Variants in PINX1 observed in about 807,000 individuals in gnomAD.
PINX1 encodes PIN2 (TERF1) interacting telomerase inhibitor 1.
In PINX1, 34 loss-of-function variants were observed where a neutral mutation model predicts 25.4. That is an observed-to-expected ratio of 1.34 (90% confidence interval 1.02 to 1.78). The LOEUF is 1.78. PINX1 is among the 40% of genes most tolerant of loss of function. The pLI, the probability that PINX1 is intolerant of heterozygous loss-of-function variation, is 0.00. For synonymous variants in PINX1, 197 were observed against 147.7 expected (o/e 1.33, Z -2.42); for missense variants, 592 against 404.9 (o/e 1.46, Z -3.97).
rs962333410 is a variant in PINX1 at position 10,807,434 on chromosome 8, A to C, written c.471+12759T>G. 8.7e-5 allele frequency among the ~76,000 whole-genome samples: 13 copies of C among 150,136 alleles called. No homozygotes were observed. In the Admixed American group the frequency reaches 8.7e-4, roughly 10 times the overall value. On this transcript the variant is annotated intron_variant, in intron 6 of 6. Coordinates refer to ENST00000314787, the MANE Select transcript of PINX1 (RefSeq NM_017884.6). ...GTGCTTCAACTACTGGCTTCCTGAC[A>C]AAACAGAGGGGAAAAAATTATGAAA...
intron 6 of PINX1, among the ~76,000 whole-genome samples, chr8:10,776,901 G>A (rs144839044): frequency 1.3e-5 from 2 of 152,306 alleles, no homozygotes; most frequent in African/African-American, 4.8e-5. Flanking sequence ...TGATGTCACA[G>A]AAGGAAAATC....
intron 6 of PINX1, among the ~76,000 whole-genome samples, chr8:10,769,193 C>G (rs1801149212): frequency 6.6e-6 from 1 of 152,092 alleles, no homozygotes; most frequent in Admixed American, 6.5e-5. Flanking sequence ...GGAAATGTCT[C>G]TCTCTCTTTT....
chr8:10,825,257 G>A, intron 5 of PINX1: 1 of 499,648 alleles, frequency 2.0e-6, no homozygotes, highest in Non-Finnish European at 4.1e-6. Context: ...TCCCAGCAAT[G>A]CCCTGATACG....
At chr8:10,823,651 A>C (rs1463181588) in intron 5 of PINX1, among the ~76,000 whole-genome samples, 1 of 152,156 alleles carries the variant, frequency 6.6e-6, no homozygotes. Context: ...GAAAGGAATA[A>C]TTATATATCA....
intron 6 of PINX1, among the ~76,000 whole-genome samples, chr8:10,776,062 T>C (rs527715704): frequency 6.6e-6 from 1 of 152,258 alleles, no homozygotes. Context: ...ATCACAATTC[T>C]AGCATTCATT....
intron 6 of PINX1, among the ~76,000 whole-genome samples, chr8:10,799,278 T>A (rs142394365): frequency 6.6e-6 from 1 of 152,252 alleles, no homozygotes; most frequent in Non-Finnish European, 1.5e-5. Flanking sequence ...AATCATCAAT[T>A]TAAGATGGTC....
At chr8:10,816,566 C>G (rs929359738) in intron 6 of PINX1, among the ~76,000 whole-genome samples, 3 of 152,362 alleles carry the variant, frequency 2.0e-5, no homozygotes, top group African/African-American at 7.2e-5. Context: ...TTGTCAACCC[C>G]TAACAGCTCA....
intron 6 of PINX1, among the ~76,000 whole-genome samples, chr8:10,780,410 G>C (rs1222748960): frequency 2.6e-5 from 4 of 152,114 alleles, no homozygotes; most frequent in African/African-American, 9.7e-5. Context: ...AAATTGTTGA[G>C]AGTTTTTACC....
intron 1 of PINX1, among the ~76,000 whole-genome samples, chr8:10,835,650 G>A (rs1397267889): frequency 6.6e-6 from 1 of 152,044 alleles, no homozygotes; most frequent in Non-Finnish European, 1.5e-5. Context: ...CATCTCCTTA[G>A]GGCTCATATT....
At chr8:10,827,462 T>G (rs113359261) in intron 4 of PINX1, among the ~76,000 whole-genome samples, 2,420 of 151,992 alleles carry the variant, frequency 0.016, 46 homozygotes, top group Non-Finnish European at 0.019. Context: ...GGGGTTAGAG[T>G]CAATTATAAA....
chr8:10,832,936 C>T lies in PINX1; in HGVS notation c.178G>A (p.Val60Met). 6.2e-7 allele frequency: 1 copy of T among 1,612,564 alleles called. No individual in the cohort carries two copies. The highest frequency in any genetic ancestry group is 8.5e-7 in the Non-Finnish European group (1 of 1,179,192). Reference sequence around the variant, plus strand: ...CCGAGTCCCAGGTGGTTATTTTTCACTTGAACTTTAATATGATCTGTGGCT... The same window carrying T: ...CCGAGTCCCAGGTGGTTATTTTTCATTTGAACTTTAATATGATCTGTGGCT... The part of the protein sequence containing the change: ...QGATDHIKVQ[V>M]KNNHLGLGAT... Residue 60 changes from valine to methionine, a missense_variant, in exon 3 of 7, where the codon GTG becomes ATG. Transcript: ENST00000314787.
chr8:10,800,120 G>A (rs145059495), intron 6 of PINX1, among the ~76,000 whole-genome samples: 16 of 152,272 alleles, frequency 1.1e-4, no homozygotes, highest in Non-Finnish European at 2.2e-4. Flanking sequence ...CAGTTTTGAT[G>A]GAAATAACAT....
chr8:10,809,018 T>C (rs1211513248), intron 6 of PINX1, among the ~76,000 whole-genome samples: 1 of 152,238 alleles, frequency 6.6e-6, no homozygotes, highest in Non-Finnish European at 1.5e-5. Flanking sequence ...GCAGAGTCCC[T>C]CAAGCCGAGA....
intron 6 of PINX1, among the ~76,000 whole-genome samples, chr8:10,801,753 G>A (rs1802269866): frequency 6.6e-6 from 1 of 152,104 alleles, no homozygotes; most frequent in South Asian, 2.1e-4. Context: ...AAGAATTTGT[G>A]GTATCATTCT....
At chr8:10,811,802 T>G (rs1797530069) in intron 6 of PINX1, among the ~76,000 whole-genome samples, 1 of 152,094 alleles carries the variant, frequency 6.6e-6, no homozygotes, top group African/African-American at 2.4e-5. Context: ...GAGCAAGTGT[T>G]CCAGCCAACG....
chr8:10,818,648 G>A (rs944045443), intron 6 of PINX1, among the ~76,000 whole-genome samples: 6 of 152,202 alleles, frequency 3.9e-5, no homozygotes, highest in African/African-American at 1.4e-4. Flanking sequence ...GGAAACGCCA[G>A]TACAGAAGGC....
At chr8:10,767,708 G>C (rs1801098901) in intron 6 of PINX1, among the ~76,000 whole-genome samples, 1 of 151,536 alleles carries the variant, frequency 6.6e-6, no homozygotes, top group South Asian at 2.1e-4. Flanking sequence ...GCCTCCCAAA[G>C]ACGGGCACCC....
At chr8:10,814,446 C>A (rs1797632252) in intron 6 of PINX1, among the ~76,000 whole-genome samples, 1 of 152,170 alleles carries the variant, frequency 6.6e-6, no homozygotes, top group African/African-American at 2.4e-5. Flanking sequence ...AATGCTTTAT[C>A]TTCTGAGCAA....
At chr8:10,815,667 C>A (rs1192729623) in intron 6 of PINX1, among the ~76,000 whole-genome samples, 1 of 152,198 alleles carries the variant, frequency 6.6e-6, no homozygotes. Flanking sequence ...CCCTGAGATA[C>A]TGCCAACACC....
Sources: gnomAD v4.1 joint callset for allele counts (sites outside exome capture counted in the v4.1 genomes callset) on GRCh38, gnomAD v4.1.1 for gene constraint, MANE v1.5 for transcripts, NCBI Gene and HGNC (gene_info 2026-07-23, HGNC 2026-07-21) for gene names.